Variants in TRIM44 observed in about 807,000 individuals in gnomAD.
The protein encoded by TRIM44 is tripartite motif containing 44, also known as tripartite motif-containing protein 44.
Under a neutral mutation model 37.4 loss-of-function variants are expected in TRIM44, and 13 were observed. That is an observed-to-expected ratio of 0.35 (90% confidence interval 0.23 to 0.55). The LOEUF (loss-of-function observed/expected upper bound fraction) is 0.55, where lower values mean the gene tolerates loss of function less well. Among genes scored for constraint, TRIM44 ranks in the 20% least tolerant of loss-of-function variants. The pLI, the probability that TRIM44 is intolerant of heterozygous loss-of-function variation, is 0.89. For synonymous variants in TRIM44, 175 were observed against 157.2 expected (o/e 1.11, Z -0.85); for missense variants, 426 against 437.2 (o/e 0.97, Z 0.23).
chr11:35,680,141 G>T (rs1851507103), intron 1 of TRIM44, among the ~76,000 whole-genome samples: 1 of 152,160 alleles, frequency 6.6e-6, no homozygotes, highest in Non-Finnish European at 1.5e-5. Context: ...CAAAGGAAAA[G>T]GCCCCAGTAT....
intron 1 of TRIM44, among the ~76,000 whole-genome samples, chr11:35,679,477 A>G (rs1289923613): frequency 6.6e-6 from 1 of 152,244 alleles, no homozygotes; most frequent in Non-Finnish European, 1.5e-5. Flanking sequence ...TTAGAGGTAG[A>G]AAACATTTAG....
intron 2 of TRIM44, among the ~76,000 whole-genome samples, chr11:35,702,830 G>C (rs1441030393): frequency 6.6e-6 from 1 of 152,236 alleles, no homozygotes; most frequent in Non-Finnish European, 1.5e-5. Flanking sequence ...CGTGAGCAAC[G>C]CAGAAGACGG....
At chr11:35,755,855 T>A (rs1442324145) in intron 4 of TRIM44, among the ~76,000 whole-genome samples, 1 of 152,164 alleles carries the variant, frequency 6.6e-6, no homozygotes, top group African/African-American at 2.4e-5. Context: ...TTCTGTTCCA[T>A]TGGTCTATAT....
At chr11:35,797,070 G>A (rs1853302461) in intron 4 of TRIM44, among the ~76,000 whole-genome samples, 2 of 152,142 alleles carry the variant, frequency 1.3e-5, no homozygotes, top group Admixed American at 1.3e-4. Context: ...TTAGGTCTGG[G>A]GAGGAAATAG....
chr11:35,817,907 G>T lies in TRIM44; in HGVS notation c.*11522G>T, dbSNP rs925505697. ...TCCCCCTTTGCCTTCCACCATGATT[G>T]TAAGTTTCCTGAAGCCTCCCTAGAA... On this transcript the variant is annotated 3_prime_UTR_variant, in exon 5 of 5. Transcript: ENST00000299413. The T allele has an allele frequency of 6.6e-6, 1 of 152,122 alleles. No individual in the cohort carries two copies. The highest frequency in any genetic ancestry group is 6.6e-5 in the Admixed American group (1 of 15,262). The allele number at this position is 152,122 out of a possible 1,614,324, so 9.4% of individuals were successfully genotyped here.
At chr11:35,722,887 C>T (rs1157959466) in intron 2 of TRIM44, among the ~76,000 whole-genome samples, 1 of 152,166 alleles carries the variant, frequency 6.6e-6, no homozygotes, top group African/African-American at 2.4e-5. Context: ...CTGAAATATT[C>T]AGTGTAGATT....
chr11:35,713,800 G>A (rs1012167838), intron 2 of TRIM44, among the ~76,000 whole-genome samples: 1 of 152,086 alleles, frequency 6.6e-6, no homozygotes, highest in Non-Finnish European at 1.5e-5. Context: ...TACCATGAGA[G>A]GCAAGTTGTG....
chr11:35,688,598 C>G (rs1316564447), intron 2 of TRIM44, among the ~76,000 whole-genome samples: 1 of 152,078 alleles, frequency 6.6e-6, no homozygotes, highest in Non-Finnish European at 1.5e-5. Context: ...CTTAGATATT[C>G]TTCTGTGTCA....
chr11:35,729,116 T>C (rs985034852), intron 3 of TRIM44, among the ~76,000 whole-genome samples: 2 of 151,954 alleles, frequency 1.3e-5, no homozygotes, highest in African/African-American at 4.8e-5. Context: ...TTTCTTTACT[T>C]CCTATGTATG....
At chr11:35,728,532 G>A (rs534987095) in intron 3 of TRIM44, among the ~76,000 whole-genome samples, 8 of 152,274 alleles carry the variant, frequency 5.3e-5, no homozygotes, top group Admixed American at 5.2e-4. Flanking sequence ...AACAGAGATA[G>A]CGTTCAGCCA....
chr11:35,749,735 G>A (rs2135529112), intron 4 of TRIM44, among the ~76,000 whole-genome samples: 1 of 152,266 alleles, frequency 6.6e-6, no homozygotes, highest in East Asian at 1.9e-4. Context: ...AAAACTATGA[G>A]GTTACCCTTG....
At chr11:35,738,679 A>G (rs747363033) in intron 4 of TRIM44, among the ~76,000 whole-genome samples, 39 of 152,204 alleles carry the variant, frequency 2.6e-4, no homozygotes, top group Non-Finnish European at 5.1e-4. Flanking sequence ...TTACCCTTTC[A>G]ACAAGCCAAA....
intron 4 of TRIM44, among the ~76,000 whole-genome samples, chr11:35,741,510 A>G (rs1378605971): frequency 6.6e-6 from 1 of 152,186 alleles, no homozygotes; most frequent in Non-Finnish European, 1.5e-5. Context: ...CCACCTGGAA[A>G]TGTTGACTAG....
intron 4 of TRIM44, among the ~76,000 whole-genome samples, chr11:35,780,860 C>G (rs1040114309): frequency 6.7e-6 from 1 of 148,592 alleles, no homozygotes; most frequent in East Asian, 2.0e-4. Flanking sequence ...ATTTTCAACT[C>G]TATTTATTAA....
intron 3 of TRIM44, among the ~76,000 whole-genome samples, chr11:35,726,774 C>T (rs1043573764): frequency 2.0e-5 from 3 of 151,002 alleles, no homozygotes; most frequent in Non-Finnish European, 2.9e-5. Flanking sequence ...TTATTTTTAA[C>T]GGGAATAAAA....
chr11:35,778,804 G>T (rs1263626352), intron 4 of TRIM44, among the ~76,000 whole-genome samples: 1 of 152,138 alleles, frequency 6.6e-6, no homozygotes. Flanking sequence ...TCCTTCCTTT[G>T]GAAGCTTCAT....
chr11:35,743,401 A>G (rs1852440226), intron 4 of TRIM44, among the ~76,000 whole-genome samples: 1 of 152,224 alleles, frequency 6.6e-6, no homozygotes, highest in Non-Finnish European at 1.5e-5. Flanking sequence ...TCCTCCAGTC[A>G]CATCTCATGA....
intron 1 of TRIM44, among the ~76,000 whole-genome samples, chr11:35,672,901 T>G (rs1430616366): frequency 1.3e-5 from 2 of 152,220 alleles, no homozygotes; most frequent in Non-Finnish European, 2.9e-5. Flanking sequence ...CTTATTTATT[T>G]GTACAGAATA....
chr11:35,697,234 C>T (rs3112058), intron 2 of TRIM44, among the ~76,000 whole-genome samples: 36,393 of 126,176 alleles, frequency 0.29, 5,467 homozygotes, highest in Admixed American at 0.41. Context: ...CCACAACAGG[C>T]CCCGGTGTGT....
Sources: gnomAD v4.1 joint callset for allele counts (sites outside exome capture counted in the v4.1 genomes callset) on GRCh38, gnomAD v4.1.1 for gene constraint, MANE v1.5 for transcripts, NCBI Gene and HGNC (gene_info 2026-07-23, HGNC 2026-07-21) for gene names.